Variants in FBLN1 observed in about 807,000 individuals in gnomAD.
FBLN1 encodes fibulin 1, also known as fibulin-1.
In FBLN1, 34 loss-of-function variants were observed where a neutral mutation model predicts 89.7. The ratio of observed to expected loss-of-function variants is 0.38; its 90% CI spans 0.29 to 0.50. FBLN1 has a LOEUF of 0.50. FBLN1 is among the 20% of genes least tolerant of loss of function. The pLI, the probability that FBLN1 is intolerant of heterozygous loss-of-function variation, is 0.92. For synonymous variants in FBLN1, 393 were observed against 391.3 expected (o/e 1.00, Z -0.05); for missense variants, 777 against 988.1 (o/e 0.79, Z 2.86).
At chr22:45,510,227 T>C (rs17641143) in intron 1 of FBLN1, among the ~76,000 whole-genome samples, 9,833 of 152,170 alleles carry the variant, frequency 0.065, 382 homozygotes, top group Non-Finnish European at 0.077. Flanking sequence ...AAGGACGCGG[T>C]CTCACAATAA....
intron 1 of FBLN1, among the ~76,000 whole-genome samples, chr22:45,509,990 G>A (rs892209677): frequency 6.6e-6 from 1 of 152,128 alleles, no homozygotes; most frequent in Non-Finnish European, 1.5e-5. Context: ...GCCCTCAGCT[G>A]CCTCTGAGTT....
intron 14 of FBLN1, among the ~76,000 whole-genome samples, chr22:45,568,529 CTT>C (rs1428052922): frequency 1.4e-3 from 191 of 133,464 alleles, no homozygotes; most frequent in African/African-American, 7.1e-3. Flanking sequence ...GGGAATGCCT[CTT>C]CTGTAGGGGA....
At position 45,541,296 on chromosome 22, in the gene FBLN1, C is replaced by T; in HGVS notation, c.990C>T (p.Gly330=). The change falls in exon 9 of 17, where the codon GGC becomes GGT. Residue 330 remains glycine (G), a synonymous_variant. Coordinates refer to ENST00000327858, the MANE Select transcript of FBLN1 (RefSeq NM_006486.3). ...GGCATACATGCATCAACACAGAGGGCTCCTACACGTGCCAGAAGAACGTGC... is the reference window on the plus strand; with the variant it reads ...GGCATACATGCATCAACACAGAGGGTTCCTACACGTGCCAGAAGAACGTGC... ...PIGHTCINTE[G]SYTCQKNVPN... 5 of 1,614,242 alleles carry T rather than the reference C, an allele frequency of 3.1e-6. No individual in the cohort carries two copies. The highest frequency in any genetic ancestry group is 2.2e-5 in the East Asian group (1 of 44,888).
Position 45,577,156 on chromosome 22 carries a change from A to G in FBLN1, c.1972+48A>G, listed in dbSNP as rs746239379. The G allele has an allele frequency of 6.2e-7, 1 of 1,604,574 alleles. No homozygotes were observed. Among genetic ancestry groups the G allele is most frequent in the Non-Finnish European group, 8.5e-7 (1 of 1,174,976 alleles). ...TCTATCCAGGCACCCCTCCCCCTCC[A>G]CCCCGAAACCCTCTCTGGCCCAGCC... On this transcript the variant is annotated intron_variant, in intron 16 of 16. Coordinates refer to ENST00000327858, the MANE Select transcript of FBLN1 (RefSeq NM_006486.3). This position sits in a 1 kb window ranked among gnomAD's most constrained non-coding sequence, Gnocchi z 6.6.
In FBLN1 at chr22:45,600,722, G is replaced by A. The variant is rs764174081; in HGVS notation, c.*276G>A. The A allele has an allele frequency of 1.4e-5, 7 of 494,496 alleles. No individual in the cohort carries two copies. Among genetic ancestry groups the A allele is most frequent in the Non-Finnish European group, 1.8e-5 (5 of 271,156 alleles). 30.6% of individuals were successfully genotyped at this position (494,496 alleles called of 1,614,324 possible). ...CACCCCCTTTCTCTGCCTCTGGCTGGGCCTTGCTAAGGGCCAAGGAAAGAA... is the reference window on the plus strand; with the variant it reads ...CACCCCCTTTCTCTGCCTCTGGCTGAGCCTTGCTAAGGGCCAAGGAAAGAA... On this transcript the variant is annotated 3_prime_UTR_variant, in exon 17 of 17. Transcript: ENST00000327858.
At chr22:45,506,243 T>C (rs921657573) in intron 1 of FBLN1, among the ~76,000 whole-genome samples, 7 of 152,138 alleles carry the variant, frequency 4.6e-5, no homozygotes, top group Admixed American at 1.3e-4. Flanking sequence ...CAGAATTGTT[T>C]TCCCCAAGAT....
Position 45,590,633 on chromosome 22 carries a change from C to T in FBLN1, c.1973-9674C>T, listed in dbSNP as rs528165046. On this transcript the variant is annotated intron_variant, in intron 16 of 16. Transcript: ENST00000327858. This position sits in a 1 kb window ranked among gnomAD's most constrained non-coding sequence, Gnocchi z 4.1. Reference sequence around the variant, plus strand: ...GGTACACGTGTTCAGGTAGATGCGACGAGGCCGGAACTGAGGCCAGGTGGG... The same window carrying T: ...GGTACACGTGTTCAGGTAGATGCGATGAGGCCGGAACTGAGGCCAGGTGGG... 2.6e-5 allele frequency among the ~76,000 whole-genome samples: 4 copies of T among 152,188 alleles called. No homozygotes were observed. The highest frequency in any genetic ancestry group is 2.0e-4 in the Admixed American group (3 of 15,290).
intron 2 of FBLN1, among the ~76,000 whole-genome samples, chr22:45,521,347 C>T (rs2088247794): frequency 6.6e-6 from 1 of 152,222 alleles, no homozygotes; most frequent in Non-Finnish European, 1.5e-5. Flanking sequence ...GGACACCACT[C>T]CAGGGTCACC....
At chr22:45,524,382 G>A (rs2088292166) in intron 2 of FBLN1, among the ~76,000 whole-genome samples, 2 of 152,224 alleles carry the variant, frequency 1.3e-5, no homozygotes, top group African/African-American at 4.8e-5. Flanking sequence ...GCCCACGCCA[G>A]CCCCTAGCTG....
At chr22:45,594,405 G>A (rs1295193278) in intron 16 of FBLN1, among the ~76,000 whole-genome samples, 2 of 152,176 alleles carry the variant, frequency 1.3e-5, no homozygotes, top group African/African-American at 4.8e-5. Flanking sequence ...GATTGACACC[G>A]TTCCCAGAAC....
chr22:45,585,001 C>T (rs958133678), intron 16 of FBLN1, among the ~76,000 whole-genome samples: 1 of 152,234 alleles, frequency 6.6e-6, no homozygotes, highest in Non-Finnish European at 1.5e-5. Flanking sequence ...ATCCAAGCTA[C>T]GCATCCTGCT....
chr22:45,548,100 G>C (rs1360882426), intron 12 of FBLN1, among the ~76,000 whole-genome samples: 1 of 152,202 alleles, frequency 6.6e-6, no homozygotes, highest in Admixed American at 6.5e-5. Flanking sequence ...CCAGGTTGGA[G>C]GGCAGTGGTA....
At chr22:45,567,972 C>T (rs1319216630) in intron 14 of FBLN1, among the ~76,000 whole-genome samples, 2 of 152,170 alleles carry the variant, frequency 1.3e-5, no homozygotes, top group Non-Finnish European at 2.9e-5. Flanking sequence ...GGGGCTGGCG[C>T]AGGCTTGCTC....
rs2088846038 is a variant in FBLN1, at chr22:45,561,114, C to T, written c.1697+10499C>T. Among the ~76,000 whole-genome samples, 1 of 152,200 alleles carries T rather than the reference C, an allele frequency of 6.6e-6. No individual in the cohort carries two copies. Among genetic ancestry groups the T allele is most frequent in the Non-Finnish European group, 1.5e-5 (1 of 68,048 alleles). On this transcript the variant is annotated intron_variant, in intron 14 of 16. Transcript: ENST00000327858. This position sits in a 1 kb window ranked among gnomAD's most constrained non-coding sequence, Gnocchi z 4.7. ...TCCCACATGTCCCCATTCCAAGTTG[C>T]AGGGTCCCATTCTTTTTCAATCAAT... is the stretch of plus-strand genomic sequence containing the variant.
intron 8 of FBLN1, among the ~76,000 whole-genome samples, chr22:45,540,794 C>T (rs1417824874): frequency 6.6e-6 from 1 of 152,226 alleles, no homozygotes; most frequent in Non-Finnish European, 1.5e-5. Context: ...CATGGCACCT[C>T]CCGGGTGGGC....
chr22:45,582,727 C>A (rs1375055808), intron 16 of FBLN1, among the ~76,000 whole-genome samples: 1 of 152,210 alleles, frequency 6.6e-6, no homozygotes. Context: ...CATTCAGACC[C>A]ACTCCACTCT....
At position 45,575,882 on chromosome 22, in the gene FBLN1, G is replaced by T. The variant is rs2088992978; in HGVS notation, c.1841-1095G>T. Among the ~76,000 whole-genome samples the T allele has an allele frequency of 6.6e-6, 1 of 152,198 alleles. No individual in the cohort carries two copies. The highest frequency in any genetic ancestry group is 2.4e-5 in the African/African-American group (1 of 41,450). On this transcript the variant is annotated intron_variant, in intron 15 of 16. Coordinates refer to ENST00000327858, the MANE Select transcript of FBLN1 (RefSeq NM_006486.3). The surrounding 1 kb of genome is among the most constrained non-coding windows in gnomAD (Gnocchi z 6.3). ...CTATCCCTGGCCTGCGGAGAAGCAT[G>T]CCATGATGAGTTCATTCAGCAGCCG...
chr22:45,526,037 C>A (rs113937516), intron 3 of FBLN1, among the ~76,000 whole-genome samples: 108 of 152,212 alleles, frequency 7.1e-4, no homozygotes, highest in African/African-American at 2.3e-3. Context: ...TCGGCACCCT[C>A]ACCCTACCCA....
intron 16 of FBLN1, among the ~76,000 whole-genome samples, chr22:45,593,156 A>ACCCCCCCCCCCCCCCCCCCCCCCC (rs150171236): frequency 3.0e-5 from 4 of 133,456 alleles, no homozygotes; most frequent in South Asian, 2.7e-4. Context: ...AGGCAGAGAG[A>ACCCCCCCCCCCCCCCCCCCCCCCC]CCCCCCCCAC....
Sources: allele counts gnomAD v4.1 joint callset (sites outside exome capture counted in the v4.1 genomes callset), GRCh38; gene constraint gnomAD v4.1.1; non-coding constraint Gnocchi (gnomAD v3.1); transcripts MANE v1.5; gene names NCBI Gene and HGNC (gene_info 2026-07-23, HGNC 2026-07-21).